The following DMRT1 variants were observed in gnomAD, a reference collection of about 807,000 sequenced individuals.
The protein encoded by DMRT1 is doublesex- and mab-3-related transcription factor 1.
Under a neutral mutation model 32.3 loss-of-function variants are expected in DMRT1, and 7 were observed. The ratio of observed to expected loss-of-function variants is 0.22; its 90% CI spans 0.12 to 0.41. DMRT1 has a LOEUF of 0.41. Among genes scored for constraint, DMRT1 ranks in the 10% least tolerant of loss-of-function variants. The probability of loss-of-function intolerance (pLI) is 1.00; values close to 1 mark genes in which losing one functional copy is unlikely to be tolerated. For synonymous variants in DMRT1, 278 were observed against 206.1 expected, an observed-to-expected ratio of 1.35 and a Z score of -2.99; for missense variants, 625 against 500.5, an observed-to-expected ratio of 1.25 and a Z score of -2.37.
intron 2 of DMRT1, among the ~76,000 whole-genome samples, chr9:871,499 ATTTTT>A (rs56390211): frequency 5.2e-5 from 6 of 115,074 alleles, no homozygotes; most frequent in Non-Finnish European, 3.4e-5. Context: ...CGCCCGGCTA[ATTTTT>A]TTTTTTTTTT....
At chr9:871,389 G>A (rs1452069153) in intron 2 of DMRT1, among the ~76,000 whole-genome samples, 1 of 149,906 alleles carries the variant, frequency 6.7e-6, no homozygotes, top group Admixed American at 6.7e-5. Context: ...CTGGAGTGCA[G>A]TGGCACAATC....
At chr9:846,865 A>T in intron 1 of DMRT1, 95 bp from the exon 2 acceptor site, 1 of 1,431,444 alleles carries the variant, frequency 7.0e-7, no homozygotes, top group Middle Eastern at 1.8e-4. Flanking sequence ...CTCCAGAGCT[A>T]GTGAATCATG....
intron 3 of DMRT1, among the ~76,000 whole-genome samples, chr9:912,860 C>T (rs577444486): frequency 6.6e-6 from 1 of 152,132 alleles, no homozygotes; most frequent in South Asian, 2.1e-4. Flanking sequence ...ACCAGATTTT[C>T]TTGAGTGGAG....
At position 938,273 on chromosome 9, in the gene DMRT1, T is replaced by C. The variant is rs1281282173; in HGVS notation, c.967+21366T>C. ...CTATTTGATGTGCCTTGGAATTCCA[T>C]ATGAATTTTACAATGGGTTTTTCTA... On this transcript the variant is annotated intron_variant, in intron 4 of 4. Transcript: ENST00000382276. Among the ~76,000 whole-genome samples the C allele has an allele frequency of 1.3e-5, 2 of 152,190 alleles. 1 individual carries two copies. The highest frequency in any genetic ancestry group is 4.8e-5 in the African/African-American group (2 of 41,454).
intron 4 of DMRT1, among the ~76,000 whole-genome samples, chr9:947,645 A>G (rs528116272): frequency 1.3e-5 from 2 of 152,148 alleles, no homozygotes; most frequent in African/African-American, 4.8e-5. Flanking sequence ...TTTTTTTGAG[A>G]CAGAGTCTGA....
intron 2 of DMRT1, among the ~76,000 whole-genome samples, chr9:892,459 C>G (rs545447600): frequency 5.4e-4 from 82 of 152,258 alleles, no homozygotes; most frequent in African/African-American, 2.0e-3. Flanking sequence ...GGCTCCTGCT[C>G]TCTGCCTCCC....
intron 2 of DMRT1, among the ~76,000 whole-genome samples, chr9:878,519 G>T (rs1250139657): frequency 1.3e-5 from 2 of 152,084 alleles, no homozygotes; most frequent in Admixed American, 1.3e-4. Flanking sequence ...TGACTTTAGG[G>T]AGTAATATCA....
intron 2 of DMRT1, among the ~76,000 whole-genome samples, chr9:887,452 C>T (rs1267917270): frequency 6.6e-6 from 1 of 152,164 alleles, no homozygotes; most frequent in African/African-American, 2.4e-5. Flanking sequence ...TCATTGGTTC[C>T]CTAGAGGAGA....
intron 2 of DMRT1, among the ~76,000 whole-genome samples, chr9:886,407 C>T (rs1481192965): frequency 6.6e-6 from 1 of 152,178 alleles, no homozygotes; most frequent in African/African-American, 2.4e-5. Context: ...AGGCACGGGC[C>T]AGATACACGC....
chr9:860,689 A>G, intron 2 of DMRT1, among the ~76,000 whole-genome samples: 1 of 152,238 alleles, frequency 6.6e-6, no homozygotes, highest in Admixed American at 6.5e-5. Context: ...AAACAAAGTG[A>G]TATGATGGAT....
At chr9:884,573 A>G (rs1462558392) in intron 2 of DMRT1, among the ~76,000 whole-genome samples, 1 of 152,164 alleles carries the variant, frequency 6.6e-6, no homozygotes, top group African/African-American at 2.4e-5. Flanking sequence ...ATTTTTCCAG[A>G]TGTGTATTTC....
chr9:856,850 C>T (rs1314566614), intron 2 of DMRT1, among the ~76,000 whole-genome samples: 4 of 152,178 alleles, frequency 2.6e-5, no homozygotes, highest in Non-Finnish European at 5.9e-5. Context: ...TACATTCCTA[C>T]CGACAGTCTA....
intron 3 of DMRT1, among the ~76,000 whole-genome samples, chr9:898,851 G>T (rs564651670): frequency 6.6e-5 from 10 of 152,198 alleles, no homozygotes; most frequent in African/African-American, 2.2e-4. Context: ...TTTAGATTGT[G>T]ATACAAATTT....
At chr9:870,255 T>C (rs995127070) in intron 2 of DMRT1, among the ~76,000 whole-genome samples, 2 of 151,990 alleles carry the variant, frequency 1.3e-5, no homozygotes, top group African/African-American at 2.4e-5. Context: ...AAAAATTAGC[T>C]GGGCGTGGTG....
rs939989302 is a variant in DMRT1, at chr9:841,780, C to T, written c.-59C>T. On this transcript the variant is annotated 5_prime_UTR_variant, in exon 1 of 5. Transcript: ENST00000382276. Reference sequence around the variant, plus strand: ...GTCGCTGTCCGTCGGGTTCATCCCTCGCAGCAGTCTCCAGGCGAGAGAGGG... The same window carrying T: ...GTCGCTGTCCGTCGGGTTCATCCCTTGCAGCAGTCTCCAGGCGAGAGAGGG... 25 of 1,560,860 alleles carry T rather than the reference C, an allele frequency of 1.6e-5. No individual in the cohort carries two copies. In the Admixed American group the frequency reaches 4.8e-4, roughly 30 times the overall value.
chr9:932,448 C>G (rs113780516), intron 4 of DMRT1, among the ~76,000 whole-genome samples: 1 of 152,192 alleles, frequency 6.6e-6, no homozygotes, highest in Non-Finnish European at 1.5e-5. Flanking sequence ...TATCTAATGT[C>G]TATATAGACC....
intron 3 of DMRT1, among the ~76,000 whole-genome samples, chr9:908,773 T>C (rs907170130): frequency 6.6e-6 from 1 of 152,312 alleles, no homozygotes; most frequent in Non-Finnish European, 1.5e-5. Flanking sequence ...ACTTCTGAAA[T>C]GGTTGGTTCT....
intron 4 of DMRT1, among the ~76,000 whole-genome samples, chr9:924,972 C>T (rs555085330): frequency 1.7e-4 from 26 of 152,320 alleles, no homozygotes; most frequent in South Asian, 1.0e-3. Context: ...GGGCTCCTAA[C>T]GTGTCCTCTG....
chr9:892,500 C>G (rs961103137), intron 2 of DMRT1, among the ~76,000 whole-genome samples: 2 of 152,150 alleles, frequency 1.3e-5, no homozygotes, highest in Non-Finnish European at 2.9e-5. Context: ...GCCCCTCAGC[C>G]CTCCAGTTCT....
Sources: gnomAD v4.1 joint callset for allele counts (sites outside exome capture counted in the v4.1 genomes callset) on GRCh38, gnomAD v4.1.1 for gene constraint, MANE v1.5 for transcripts, NCBI Gene and HGNC (gene_info 2026-07-23, HGNC 2026-07-21) for gene names.